ASH2L: variants seen among roughly 807,000 people sequenced by gnomAD.
The protein encoded by ASH2L is ASH2 like, histone lysine methyltransferase complex subunit, also known as set1/Ash2 histone methyltransferase complex subunit ASH2.
Under a neutral mutation model 81.1 loss-of-function variants are expected in ASH2L, and 30 were observed. The observed-to-expected ratio is 0.37, with a 90% CI of 0.28 to 0.50. The LOEUF is 0.50. Among genes scored for constraint, ASH2L ranks in the 20% least tolerant of loss-of-function variants. ASH2L has a pLI of 0.95. For synonymous variants in ASH2L, 273 were observed against 279.9 expected, an observed-to-expected ratio of 0.98 and a Z score of 0.24; for missense variants, 559 against 792.1, an observed-to-expected ratio of 0.71 and a Z score of 3.53.
At chr8:38,128,098 C>A (rs1282864313) in intron 10 of ASH2L, among the ~76,000 whole-genome samples, 193 bp from the exon 11 acceptor site, 1 of 152,106 alleles carries the variant, frequency 6.6e-6, no homozygotes, top group Admixed American at 6.6e-5. Flanking sequence ...TAACAACTTT[C>A]TCTTTTTTGT....
intron 5 of ASH2L, 145 bp from the exon 6 acceptor site, chr8:38,114,047 A>G: frequency 1.8e-6 from 1 of 551,790 alleles, no homozygotes; most frequent in Non-Finnish European, 3.2e-6. Flanking sequence ...ACAAACATGT[A>G]AACCTTGTAT....
intron 12 of ASH2L, among the ~76,000 whole-genome samples, chr8:38,130,202 A>G (rs368989625): frequency 1.1e-3 from 93 of 84,132 alleles, no homozygotes; most frequent in African/African-American, 3.9e-3. Flanking sequence ...GCCTGTTAAT[A>G]TTGCTATTCT....
At chr8:38,112,572 A>G (rs1454475860) in intron 5 of ASH2L, among the ~76,000 whole-genome samples, 1 of 152,240 alleles carries the variant, frequency 6.6e-6, no homozygotes, top group East Asian at 1.9e-4. Context: ...CATGTGTTAA[A>G]CATCTTTGGC....
intron 3 of ASH2L, among the ~76,000 whole-genome samples, chr8:38,108,532 G>T (rs544806858): frequency 3.3e-5 from 5 of 151,446 alleles, no homozygotes; most frequent in East Asian, 1.9e-4. Flanking sequence ...AAAAAAAAAG[G>T]TGGGGGGCCA....
At chr8:38,114,329 C>A in intron 6 of ASH2L, 42 bp downstream of exon 6, 4 of 1,264,614 alleles carry the variant, frequency 3.2e-6, no homozygotes, top group African/African-American at 1.5e-5. Context: ...TTTAAAAAAC[C>A]ATTGTTTTTT....
Position 38,128,895 on chromosome 8 carries a change from A to T in ASH2L, c.1471A>T (p.Asn491Tyr). Residue 491 changes from asparagine (N) to tyrosine (Y), a missense_variant, in exon 12 of 16, where the codon AAT becomes TAT. Asn to Tyr is a moderately radical substitution (Grantham distance 143). Transcript: ENST00000343823. ...GGGAGACGTCCTGGGATTTTATATT[A>T]ATCTTCCTGAAGACACAGAGACAGC... ...GQGDVLGFYINLPEDTETAKS... is the reference protein window; with the variant it reads ...GQGDVLGFYIYLPEDTETAKS... 1 of 1,614,038 alleles carries T rather than the reference A, an allele frequency of 6.2e-7. No individual in the cohort carries two copies. Among genetic ancestry groups the T allele is most frequent in the South Asian group, 1.1e-5 (1 of 91,070 alleles).
intron 1 of ASH2L, 35 bp downstream of exon 1, chr8:38,105,773 G>A (rs769283544): frequency 1.6e-5 from 24 of 1,500,280 alleles, no homozygotes; most frequent in Non-Finnish European, 1.9e-5. Flanking sequence ...AGACGCGGGA[G>A]GGAGGCCCGC....
In ASH2L at chr8:38,139,155, C is replaced by T. The variant is rs1585618896; in HGVS notation, c.*84C>T. 1 of 1,085,000 alleles carries T rather than the reference C, an allele frequency of 9.2e-7. No individual in the cohort carries two copies. The highest frequency in any genetic ancestry group is 1.8e-5 in the South Asian group (1 of 55,556). The allele number at this position is 1,085,000 out of a possible 1,614,324, so 67.2% of individuals were successfully genotyped here. ...GTTTTTGAACTGTCTCAAATGTTCT[C>T]CCAAAGATGCTAAAAACACAGCCTC... is the stretch of plus-strand genomic sequence containing the variant. On this transcript the variant is annotated 3_prime_UTR_variant, in exon 16 of 16. Transcript: ENST00000343823.
At chr8:38,131,068 A>T (rs563044635) in intron 12 of ASH2L, among the ~76,000 whole-genome samples, 4 of 152,146 alleles carry the variant, frequency 2.6e-5, no homozygotes, top group African/African-American at 4.8e-5. Flanking sequence ...CTTGTCCTTT[A>T]TGCATGTATC....
chr8:38,129,791 A>G lies in ASH2L; in HGVS notation c.1527+840A>G, dbSNP rs577710044. Among the ~76,000 whole-genome samples the G allele has an allele frequency of 4.7e-5, 7 of 150,222 alleles. No homozygotes were observed. The South Asian group carries it at 1.5e-3, about 31-fold the overall frequency. On this transcript the variant is annotated intron_variant, in intron 12 of 15. Coordinates refer to ENST00000343823, the MANE Select transcript of ASH2L (RefSeq NM_004674.5). ...TTGAGACTCATCCATTTTGCTGCATATATCTGTGCACCCTTTTCAGTGCAG... is the reference window on the plus strand; with the variant it reads ...TTGAGACTCATCCATTTTGCTGCATGTATCTGTGCACCCTTTTCAGTGCAG...
rs188960648 is a variant in ASH2L, at chr8:38,114,743, G to A, written c.682-162G>A. The A allele has an allele frequency of 5.0e-5, 29 of 585,322 alleles. No homozygotes were observed. In the Admixed American group the frequency reaches 8.4e-4, roughly 17 times the overall value. The allele number at this position is 585,322 out of a possible 1,614,324, so 36.3% of individuals were successfully genotyped here. A position where few individuals can be genotyped will look rare whatever the true frequency, so the allele number is the denominator to read the frequency against. The stretch of plus-strand genomic sequence containing the variant: ...CACTCTTTGTGTTTCTCTGTTGTTT[G>A]AATTTTTTGATGGTCACTGATTATT... On this transcript the variant is annotated intron_variant, in intron 6 of 15. Coordinates refer to ENST00000343823, the MANE Select transcript of ASH2L (RefSeq NM_004674.5).
At chr8:38,121,262 C>T in intron 10 of ASH2L, 113 bp downstream of exon 10, 1 of 864,198 alleles carries the variant, frequency 1.2e-6, no homozygotes. Flanking sequence ...TGCCTCACCC[C>T]CATCTCTGTC....
intron 10 of ASH2L, among the ~76,000 whole-genome samples, chr8:38,123,082 CTTTTTTT>C (rs59410420): frequency 3.0e-5 from 3 of 100,904 alleles, no homozygotes; most frequent in Admixed American, 1.4e-4. Context: ...TTCAGAATTT[CTTTTTTT>C]TTTTTTTTTT....
chr8:38,115,148 T>TA (rs1585574602), intron 7 of ASH2L, 148 bp downstream of exon 7: 1 of 615,768 alleles, frequency 1.6e-6, no homozygotes. Flanking sequence ...TAGTGACTGA[T>TA]ATGAGAGTAC....
chr8:38,122,324 C>T (rs921404201), intron 10 of ASH2L: 9 of 152,056 alleles, frequency 5.9e-5, no homozygotes, highest in African/African-American at 2.2e-4. Context: ...CTTCTTTCAC[C>T]GAGCCCTGGT....
intron 3 of ASH2L, among the ~76,000 whole-genome samples, chr8:38,109,031 A>G (rs1472075080): frequency 6.6e-6 from 1 of 152,064 alleles, no homozygotes; most frequent in Non-Finnish European, 1.5e-5. Flanking sequence ...GCAGTGAGCC[A>G]TGATTGCTAC....
chr8:38,112,832 G>A (rs1810742372), intron 5 of ASH2L, among the ~76,000 whole-genome samples: 1 of 152,130 alleles, frequency 6.6e-6, no homozygotes, highest in Admixed American at 6.6e-5. Context: ...TGTTAGAGTA[G>A]TAGTTGTAAA....
intron 5 of ASH2L, 123 bp downstream of exon 5, chr8:38,110,956 T>C: frequency 3.8e-6 from 3 of 798,898 alleles, no homozygotes; most frequent in Non-Finnish European, 4.1e-6. Context: ...ATTCAGTGAT[T>C]ACCTTGTTCT....
At chr8:38,114,741 T>G (rs1334909749) in intron 6 of ASH2L, 164 bp from the exon 7 acceptor site, 1 of 583,316 alleles carries the variant, frequency 1.7e-6, no homozygotes, top group African/African-American at 1.9e-5. Context: ...TCTCTGTTGT[T>G]TGAATTTTTT....
Sources: gnomAD v4.1 joint callset for allele counts (sites outside exome capture counted in the v4.1 genomes callset) on GRCh38, gnomAD v4.1.1 for gene constraint, MANE v1.5 for transcripts, NCBI Gene and HGNC (gene_info 2026-07-23, HGNC 2026-07-21) for gene names.